The following TBC1D22A variants were observed in gnomAD, a reference collection of about 807,000 sequenced individuals.
TBC1D22A encodes the protein putative GTPase activator.
TBC1D22A carries 38 observed loss-of-function variants against 60.2 expected under a neutral mutation model. That is an observed-to-expected ratio of 0.63 (90% CI 0.49 to 0.83). The LOEUF is 0.83. Ranked by LOEUF, TBC1D22A falls within the 40% of genes least tolerant of loss-of-function variation. TBC1D22A has a pLI of 0.00. For synonymous variants in TBC1D22A, 302 were observed against 281.7 expected (o/e 1.07, Z -0.72); for missense variants, 628 against 701.0 (o/e 0.90, Z 1.18).
At chr22:46,888,828 C>T (rs1373398134) in intron 5 of TBC1D22A, among the ~76,000 whole-genome samples, 1 of 152,194 alleles carries the variant, frequency 6.6e-6, no homozygotes, top group Non-Finnish European at 1.5e-5. Flanking sequence ...GCCTCAGCCT[C>T]CTGAGTAGTT....
intron 9 of TBC1D22A, among the ~76,000 whole-genome samples, chr22:46,986,122 C>T (rs561889982): frequency 6.6e-6 from 1 of 152,306 alleles, no homozygotes; most frequent in South Asian, 2.1e-4. Context: ...ATTTTTTCCT[C>T]TACAGATATC....
At chr22:46,977,717 C>G (rs2148147022) in intron 9 of TBC1D22A, among the ~76,000 whole-genome samples, 1 of 152,206 alleles carries the variant, frequency 6.6e-6, no homozygotes, top group South Asian at 2.1e-4. Flanking sequence ...AGGAAACTTT[C>G]AATTATGGCA....
chr22:46,774,550 C>T (rs920247344), intron 1 of TBC1D22A, among the ~76,000 whole-genome samples: 2 of 152,214 alleles, frequency 1.3e-5, no homozygotes, highest in Non-Finnish European at 2.9e-5. Context: ...CTGAGAACGT[C>T]TGTGTTGTTA....
At chr22:47,054,227 C>G (rs2063316983) in intron 11 of TBC1D22A, among the ~76,000 whole-genome samples, 1 of 152,220 alleles carries the variant, frequency 6.6e-6, no homozygotes, top group Admixed American at 6.5e-5. Context: ...AGGAAAAAAG[C>G]AAGATGTTGG....
At chr22:46,787,895 T>A (rs2084229590) in intron 1 of TBC1D22A, among the ~76,000 whole-genome samples, 1 of 151,204 alleles carries the variant, frequency 6.6e-6, no homozygotes, top group African/African-American at 2.4e-5. Flanking sequence ...CTAAGCTGGC[T>A]GCAGCCTGCC....
At chr22:46,975,098 AG>A (rs1372665133) in intron 9 of TBC1D22A, among the ~76,000 whole-genome samples, 2 of 152,120 alleles carry the variant, frequency 1.3e-5, no homozygotes, top group Non-Finnish European at 2.9e-5. Flanking sequence ...GATACTACAG[AG>A]GAACAGCTGA....
intron 10 of TBC1D22A, among the ~76,000 whole-genome samples, chr22:47,035,070 C>T (rs1439468922): frequency 1.3e-5 from 2 of 152,122 alleles, no homozygotes; most frequent in East Asian, 3.9e-4. Flanking sequence ...CATCTGTGGC[C>T]GTGTGTGTAG....
chr22:47,102,724 G>A (rs989407957), intron 11 of TBC1D22A, among the ~76,000 whole-genome samples: 2 of 152,146 alleles, frequency 1.3e-5, no homozygotes, highest in Non-Finnish European at 2.9e-5. Flanking sequence ...GTGAGCGGCA[G>A]AATTTACAGT....
At chr22:47,062,589 T>C (rs912350199) in intron 11 of TBC1D22A, among the ~76,000 whole-genome samples, 3 of 152,158 alleles carry the variant, frequency 2.0e-5, no homozygotes, top group Non-Finnish European at 2.9e-5. Flanking sequence ...CCGTAGTGAC[T>C]TCTATTCCTG....
At chr22:47,015,290 T>C (rs777421899) in intron 10 of TBC1D22A, among the ~76,000 whole-genome samples, 4 of 152,064 alleles carry the variant, frequency 2.6e-5, no homozygotes, top group Non-Finnish European at 5.9e-5. Context: ...AGTGCGAGAC[T>C]CCCGAGGGTC....
intron 11 of TBC1D22A, among the ~76,000 whole-genome samples, chr22:47,095,122 G>A (rs371827191): frequency 6.6e-6 from 1 of 152,246 alleles, no homozygotes; most frequent in African/African-American, 2.4e-5. Flanking sequence ...AAATGGCTGT[G>A]CTCTGCATTA....
At chr22:46,882,423 A>G (rs2067898046) in intron 5 of TBC1D22A, among the ~76,000 whole-genome samples, 1 of 152,044 alleles carries the variant, frequency 6.6e-6, no homozygotes, top group African/African-American at 2.4e-5. Context: ...AGGGCTGAAG[A>G]CGGCTGCTCT....
At position 46,919,432 on chromosome 22, in the gene TBC1D22A, T is replaced by C. The variant is rs373175804; in HGVS notation, c.1015+7244T>C. Among the ~76,000 whole-genome samples the C allele has an allele frequency of 3.1e-4, 47 of 152,320 alleles. No homozygotes were observed. In the East Asian group the frequency reaches 4.6e-3, roughly 15 times the overall value. Reference sequence around the variant, plus strand: ...TGGTGAACATTTGGATTGTTTTCATTTTTCGACTAATATTGTTTCCATTTT... The same window carrying C: ...TGGTGAACATTTGGATTGTTTTCATCTTTCGACTAATATTGTTTCCATTTT... On this transcript the variant is annotated intron_variant, in intron 8 of 12. Coordinates refer to ENST00000337137, the MANE Select transcript of TBC1D22A (RefSeq NM_014346.5).
intron 11 of TBC1D22A, among the ~76,000 whole-genome samples, chr22:47,054,598 C>T (rs372753876): frequency 4.6e-5 from 7 of 152,332 alleles, no homozygotes; most frequent in Admixed American, 2.0e-4. Flanking sequence ...TCCAGCCACG[C>T]GGCTCCTCTT....
At chr22:46,985,243 T>C (rs1314896258) in intron 9 of TBC1D22A, among the ~76,000 whole-genome samples, 1 of 152,140 alleles carries the variant, frequency 6.6e-6, no homozygotes, top group African/African-American at 2.4e-5. Flanking sequence ...GACGGGGCAG[T>C]GGAGCGCTTG....
chr22:47,168,910 G>A (rs767776992), intron 12 of TBC1D22A, among the ~76,000 whole-genome samples: 14 of 152,200 alleles, frequency 9.2e-5, no homozygotes, highest in African/African-American at 1.7e-4. Context: ...CTTCAGCATC[G>A]GAAGCCTCAC....
rs532420242 is a variant in TBC1D22A, at chr22:47,175,175, A to T, written c.*1549A>T. On this transcript the variant is annotated 3_prime_UTR_variant, in exon 13 of 13. Transcript: ENST00000337137. ...GGTCATTACACACAGCATGGAAATT[A>T]GCACAAAATGCTGTGCAAACGTCAG... 1 of 152,426 alleles carries T rather than the reference A, an allele frequency of 6.6e-6. No homozygotes were observed. The highest frequency in any genetic ancestry group is 1.9e-4 in the East Asian group (1 of 5,194). The allele number at this position is 152,426 out of a possible 1,614,324, so 9.4% of individuals were successfully genotyped here.
chr22:46,773,426 T>G (rs755212545), intron 1 of TBC1D22A, among the ~76,000 whole-genome samples: 1 of 152,332 alleles, frequency 6.6e-6, no homozygotes, highest in South Asian at 2.1e-4. Context: ...CACCTCACGC[T>G]AGGGATTGTC....
intron 12 of TBC1D22A, chr22:47,116,976 A>C (rs1354797186): frequency 6.6e-6 from 1 of 152,670 alleles, no homozygotes; most frequent in Non-Finnish European, 1.5e-5. Context: ...CAGGTGCATG[A>C]AGGGACTGCT....
Sources: gnomAD v4.1 joint callset for allele counts (sites outside exome capture counted in the v4.1 genomes callset) on GRCh38, gnomAD v4.1.1 for gene constraint, MANE v1.5 for transcripts, NCBI Gene and HGNC (gene_info 2026-07-23, HGNC 2026-07-21) for gene names.